The following CFAP299 variants were observed in gnomAD, a reference collection of about 807,000 sequenced individuals.
The protein encoded by CFAP299 is cilia and flagella associated protein 299.
A neutral mutation model predicts 27.0 loss-of-function variants in CFAP299; 21 were observed. The ratio of observed to expected loss-of-function variants is 0.78; its 90% CI spans 0.55 to 1.12. The LOEUF (loss-of-function observed/expected upper bound fraction) is 1.12. CFAP299 is among the 50% of genes most tolerant of loss of function. CFAP299 has a pLI of 0.00. For synonymous variants in CFAP299, 104 were observed against 98.1 expected (o/e 1.06, Z -0.36); for missense variants, 310 against 276.6 (o/e 1.12, Z -0.86).
chr4:80,896,429 T>G (rs1362988164), intron 4 of CFAP299, among the ~76,000 whole-genome samples: 1 of 152,164 alleles, frequency 6.6e-6, no homozygotes, highest in African/African-American at 2.4e-5. Flanking sequence ...TCAAAGTGAA[T>G]TAGTCCTCTA....
chr4:80,559,639 A>AT (rs1734945521), intron 2 of CFAP299, among the ~76,000 whole-genome samples: 2 of 152,180 alleles, frequency 1.3e-5, no homozygotes, highest in African/African-American at 4.8e-5. Context: ...CAGAAGCTGC[A>AT]TTGTGTGGAG....
intron 3 of CFAP299, among the ~76,000 whole-genome samples, chr4:80,798,096 A>G (rs1467389031): frequency 6.6e-6 from 1 of 152,054 alleles, no homozygotes; most frequent in Non-Finnish European, 1.5e-5. Flanking sequence ...TTTTGCTTAT[A>G]TAAATTAGAA....
intron 2 of CFAP299, among the ~76,000 whole-genome samples, chr4:80,414,076 T>G (rs1393378604): frequency 6.8e-6 from 1 of 146,824 alleles, no homozygotes; most frequent in African/African-American, 2.5e-5. Context: ...TTTTTTTTTT[T>G]TTTTTTTTTT....
rs540998785 is a variant in CFAP299, at chr4:80,645,785, C to G, written c.333+62602C>G. Reference sequence around the variant, plus strand: ...TGTTTGGCCCCTATCATGTGTTGTTCTTTCTCTTACATAGCATATTTTCCA... The same window carrying G: ...TGTTTGGCCCCTATCATGTGTTGTTGTTTCTCTTACATAGCATATTTTCCA... On this transcript the variant is annotated intron_variant, in intron 3 of 5. Coordinates refer to ENST00000358105, the MANE Select transcript of CFAP299 (RefSeq NM_152770.3). 1.2e-3 allele frequency among the ~76,000 whole-genome samples: 183 copies of G among 152,252 alleles called. 1 individual carries two copies. Among genetic ancestry groups the G allele is most frequent in the African/African-American group, 4.2e-3 (173 of 41,558 alleles).
chr4:80,776,497 G>T (rs993461322), intron 3 of CFAP299, among the ~76,000 whole-genome samples: 21 of 151,986 alleles, frequency 1.4e-4, no homozygotes, highest in African/African-American at 4.1e-4. Flanking sequence ...GACTTCAACA[G>T]AATTAAGATG....
intron 1 of CFAP299, among the ~76,000 whole-genome samples, chr4:80,352,429 C>T (rs897956488): frequency 6.6e-6 from 1 of 151,920 alleles, no homozygotes; most frequent in Non-Finnish European, 1.5e-5. Flanking sequence ...TATGCGGGGA[C>T]AGTGGTGCAC....
chr4:80,388,421 G>T, intron 2 of CFAP299: 1 of 778,572 alleles, frequency 1.3e-6, no homozygotes, highest in Non-Finnish European at 2.2e-6. Context: ...TGCTGCCGAA[G>T]GTGTGTAGAT....
intron 4 of CFAP299, among the ~76,000 whole-genome samples, chr4:80,889,761 A>T (rs1205753174): frequency 2.6e-5 from 4 of 152,134 alleles, no homozygotes; most frequent in African/African-American, 9.7e-5. Flanking sequence ...AAATACATTA[A>T]AAAGATCATT....
intron 3 of CFAP299, among the ~76,000 whole-genome samples, chr4:80,858,630 A>G (rs1732094380): frequency 6.6e-6 from 1 of 152,126 alleles, no homozygotes; most frequent in Admixed American, 6.5e-5. Flanking sequence ...GTTGGTTTCA[A>G]AGAACATCTT....
intron 4 of CFAP299, among the ~76,000 whole-genome samples, chr4:80,879,490 A>G (rs1339070702): frequency 1.3e-5 from 2 of 152,154 alleles, no homozygotes; most frequent in Non-Finnish European, 2.9e-5. Flanking sequence ...TACACATTAG[A>G]AGAATTACAT....
At chr4:80,606,818 A>G (rs949868974) in intron 3 of CFAP299, among the ~76,000 whole-genome samples, 1 of 135,968 alleles carries the variant, frequency 7.4e-6, no homozygotes, top group African/African-American at 3.5e-5. Flanking sequence ...ACTCTAAATT[A>G]TATGCTTTTT....
chr4:80,549,536 A>G (rs1299391936), intron 2 of CFAP299, among the ~76,000 whole-genome samples: 1 of 152,150 alleles, frequency 6.6e-6, no homozygotes, highest in African/African-American at 2.4e-5. Flanking sequence ...ACACTGGGTT[A>G]AGAGAATTAA....
intron 2 of CFAP299, among the ~76,000 whole-genome samples, chr4:80,395,322 A>T (rs1033567622): frequency 6.6e-6 from 1 of 152,054 alleles, no homozygotes; most frequent in Non-Finnish European, 1.5e-5. Flanking sequence ...GTTTTTAAGC[A>T]AATGTCACCT....
chr4:80,644,057 T>A (rs1271322112), intron 3 of CFAP299, among the ~76,000 whole-genome samples: 1 of 152,186 alleles, frequency 6.6e-6, no homozygotes, highest in Non-Finnish European at 1.5e-5. Flanking sequence ...CCCTGGGGAA[T>A]ACTGTGTAGT....
intron 2 of CFAP299, among the ~76,000 whole-genome samples, chr4:80,428,139 C>T (rs1578431169): frequency 6.6e-6 from 1 of 152,170 alleles, no homozygotes; most frequent in Non-Finnish European, 1.5e-5. Flanking sequence ...TAGAGTGGTT[C>T]TACACCTTAC....
chr4:80,610,760 A>C (rs990559484), intron 3 of CFAP299, among the ~76,000 whole-genome samples: 5 of 152,068 alleles, frequency 3.3e-5, no homozygotes, highest in Non-Finnish European at 7.4e-5. Context: ...AATGATAATA[A>C]TAAAGGCTCT....
intron 2 of CFAP299, among the ~76,000 whole-genome samples, chr4:80,416,678 T>TACA (rs1727024418): frequency 6.6e-6 from 1 of 152,248 alleles, no homozygotes; most frequent in Non-Finnish European, 1.5e-5. Flanking sequence ...AGATAATTTG[T>TACA]ACATTGCATC....
chr4:80,596,481 G>A (rs937061334), intron 3 of CFAP299, among the ~76,000 whole-genome samples: 2 of 151,830 alleles, frequency 1.3e-5, no homozygotes, highest in Admixed American at 6.6e-5. Context: ...AATATTTAGG[G>A]CTTTTTAAGG....
intron 3 of CFAP299, among the ~76,000 whole-genome samples, chr4:80,811,848 C>A (rs1402631738): frequency 6.6e-6 from 1 of 151,664 alleles, no homozygotes; most frequent in Non-Finnish European, 1.5e-5. Flanking sequence ...ATGAAACACA[C>A]AGAGGGAAAA....
Sources: allele counts gnomAD v4.1 joint callset (sites outside exome capture counted in the v4.1 genomes callset), GRCh38; gene constraint gnomAD v4.1.1; transcripts MANE v1.5; gene names NCBI Gene and HGNC (gene_info 2026-07-23, HGNC 2026-07-21).